Variants in SRPK2 observed in about 807,000 individuals in gnomAD.
The protein encoded by SRPK2 is SFRS protein kinase 2.
Under a neutral mutation model 90.8 loss-of-function variants are expected in SRPK2, and 21 were observed. The ratio of observed to expected loss-of-function variants is 0.23; its 90% CI spans 0.16 to 0.33. The LOEUF (loss-of-function observed/expected upper bound fraction) is 0.33, where lower values mean the gene tolerates loss of function less well. Among genes scored for constraint, SRPK2 ranks in the 10% least tolerant of loss-of-function variants. The pLI is 1.00. For synonymous variants in SRPK2, 288 were observed against 311.1 expected (o/e 0.93, Z 0.78); for missense variants, 620 against 869.0 (o/e 0.71, Z 3.60).
At chr7:105,176,589 ATGTGTGTGTGTG>A (rs373147650) in intron 3 of SRPK2, among the ~76,000 whole-genome samples, 1 of 106,934 alleles carries the variant, frequency 9.4e-6, no homozygotes, top group Non-Finnish European at 2.3e-5. Flanking sequence ...GTATGTATAT[ATGTGTGTGTGTG>A]TGTGTGTGTA....
chr7:105,130,482 G>A (rs1801843669), intron 13 of SRPK2, among the ~76,000 whole-genome samples: 1 of 152,012 alleles, frequency 6.6e-6, no homozygotes. Context: ...CTTGGGAAGT[G>A]GAGTCTGCAG....
At chr7:105,346,575 G>A (rs960367187) in intron 2 of SRPK2, among the ~76,000 whole-genome samples, 3 of 152,062 alleles carry the variant, frequency 2.0e-5, no homozygotes, top group Non-Finnish European at 4.4e-5. Flanking sequence ...CCAATATGGT[G>A]AAACCCTGTC....
At chr7:105,191,423 C>A (rs1425719425) in intron 3 of SRPK2, among the ~76,000 whole-genome samples, 1 of 152,084 alleles carries the variant, frequency 6.6e-6, no homozygotes, top group Non-Finnish European at 1.5e-5. Flanking sequence ...ATTTAAACAT[C>A]AGCCAGGCAT....
intron 15 of SRPK2, among the ~76,000 whole-genome samples, chr7:105,123,919 C>T (rs557470761): frequency 1.3e-5 from 2 of 152,326 alleles, no homozygotes; most frequent in East Asian, 1.9e-4. Flanking sequence ...TTTTTGGTCT[C>T]TCATTAGGAA....
intron 7 of SRPK2, among the ~76,000 whole-genome samples, chr7:105,151,788 T>A (rs572897766): frequency 6.6e-6 from 1 of 151,838 alleles, no homozygotes; most frequent in Non-Finnish European, 1.5e-5. Context: ...CTTTGGGAGG[T>A]CAAGGCAGGT....
intron 2 of SRPK2, among the ~76,000 whole-genome samples, chr7:105,247,406 A>G (rs1261407277): frequency 6.6e-6 from 1 of 152,080 alleles, no homozygotes; most frequent in African/African-American, 2.4e-5. Flanking sequence ...GGAAGAGGGG[A>G]AGAGAAGGTG....
chr7:105,364,404 C>CTTTTTTTTTT (rs1563290472), intron 2 of SRPK2, among the ~76,000 whole-genome samples: 11 of 116,400 alleles, frequency 9.5e-5, no homozygotes, highest in East Asian at 7.0e-4. Flanking sequence ...CCGTGTGTAA[C>CTTTTTTTTTT]GTTTTTTTTT....
At chr7:105,276,881 A>G (rs987515495) in intron 2 of SRPK2, among the ~76,000 whole-genome samples, 8 of 152,154 alleles carry the variant, frequency 5.3e-5, no homozygotes, top group Admixed American at 3.3e-4. Flanking sequence ...TCCCAAATCA[A>G]TATTTCCAGG....
chr7:105,201,423 A>G (rs937845747), intron 3 of SRPK2, among the ~76,000 whole-genome samples: 3 of 152,090 alleles, frequency 2.0e-5, no homozygotes, highest in Non-Finnish European at 2.9e-5. Flanking sequence ...GCTGTGGAAT[A>G]CTTTATTCTT....
chr7:105,309,326 T>C lies in SRPK2; in HGVS notation c.71+79322A>G, dbSNP rs146722718. On this transcript the variant is annotated intron_variant, in intron 2 of 15. Coordinates refer to ENST00000393651, the MANE Select transcript of SRPK2 (RefSeq NM_182692.3). ...ATTTTTCTTTAAGGAATCTACAAAC[T>C]TCAGAATGATAAACTTTCCCAGTCA... is the stretch of plus-strand genomic sequence containing the variant. 7.2e-3 allele frequency among the ~76,000 whole-genome samples: 1,098 copies of C among 152,284 alleles called. 40 individuals carry two copies. Among genetic ancestry groups the C allele is most frequent in the Admixed American group, 0.053 (810 of 15,296 alleles).
intron 2 of SRPK2, among the ~76,000 whole-genome samples, chr7:105,267,934 T>G (rs1351345490): frequency 6.6e-6 from 1 of 152,134 alleles, no homozygotes; most frequent in South Asian, 2.1e-4. Context: ...TATAACCTAT[T>G]AGGTAACCAA....
intron 10 of SRPK2, 61 bp from the exon 11 acceptor site, chr7:105,142,551 A>C: frequency 6.6e-7 from 1 of 1,522,974 alleles, no homozygotes; most frequent in Non-Finnish European, 8.7e-7. Flanking sequence ...AGCCTCATTA[A>C]GTACTTATCT....
In SRPK2 at chr7:105,160,570, C is replaced by T. The variant is rs1371128367; in HGVS notation, c.558G>A (p.Lys186=). The T allele has an allele frequency of 1.2e-6, 2 of 1,613,752 alleles. No individual in the cohort carries two copies. The highest frequency in any genetic ancestry group is 2.7e-5 in the African/African-American group (2 of 74,890). ...VFEVLGHHLL[K]WIIKSNYQGL... is the part of the protein sequence containing the mutation. Reference sequence around the variant, plus strand: ...CTTGATAGTTGGATTTGATGATCCACTTGAGGAGATGGTGGCCAAGTACTT... The same window carrying T: ...CTTGATAGTTGGATTTGATGATCCATTTGAGGAGATGGTGGCCAAGTACTT... The change falls in exon 7 of 16, where the codon AAG becomes AAA. Residue 186 remains lysine (K), a synonymous_variant. Transcript: ENST00000393651.
intron 2 of SRPK2, among the ~76,000 whole-genome samples, chr7:105,267,516 T>C (rs1245657161): frequency 1.3e-5 from 2 of 152,152 alleles, no homozygotes; most frequent in South Asian, 2.1e-4. Context: ...TAAGATCAGA[T>C]GGCTAGCCAC....
chr7:105,319,207 C>T lies in SRPK2; in HGVS notation c.71+69441G>A, dbSNP rs75868146. On this transcript the variant is annotated intron_variant, in intron 2 of 15. Coordinates refer to ENST00000393651, the MANE Select transcript of SRPK2 (RefSeq NM_182692.3). Reference sequence around the variant, plus strand: ...TAACACACTATTTTTAAATTCTACACGTTAATCAAGGAATCACAGTTTTTC... The same window carrying T: ...TAACACACTATTTTTAAATTCTACATGTTAATCAAGGAATCACAGTTTTTC... Among the ~76,000 whole-genome samples the T allele has an allele frequency of 3.1e-3, 473 of 152,242 alleles. 12 individuals are homozygous for T. In the East Asian group the frequency reaches 0.063, roughly 20 times the overall value.
intron 2 of SRPK2, among the ~76,000 whole-genome samples, chr7:105,252,438 C>T (rs1802600455): frequency 6.6e-6 from 1 of 152,162 alleles, no homozygotes; most frequent in African/African-American, 2.4e-5. Flanking sequence ...GTTAAAATAA[C>T]AGTTCACTGG....
chr7:105,193,846 A>G (rs6974874), intron 3 of SRPK2, among the ~76,000 whole-genome samples: 57,659 of 152,152 alleles, frequency 0.38, 13,805 homozygotes, highest in Non-Finnish European at 0.53. Flanking sequence ...GCTACTATCA[A>G]TGTTTTTTAA....
chr7:105,256,300 C>G (rs1803298085), intron 2 of SRPK2, among the ~76,000 whole-genome samples: 1 of 152,154 alleles, frequency 6.6e-6, no homozygotes, highest in Admixed American at 6.5e-5. Context: ...ATTGTTAAGG[C>G]TGTTTTGAGT....
chr7:105,382,351 G>A (rs569479585), intron 2 of SRPK2, among the ~76,000 whole-genome samples: 16 of 151,558 alleles, frequency 1.1e-4, no homozygotes, highest in Non-Finnish European at 1.8e-4. Flanking sequence ...TCAGGAGCTC[G>A]AGACCAGCCT....
Sources: gnomAD v4.1 joint callset for allele counts (sites outside exome capture counted in the v4.1 genomes callset) on GRCh38, gnomAD v4.1.1 for gene constraint, MANE v1.5 for transcripts, NCBI Gene and HGNC (gene_info 2026-07-23, HGNC 2026-07-21) for gene names.